The following DNAH14 variants were observed in gnomAD, a reference collection of about 807,000 sequenced individuals.
DNAH14 encodes axonemal beta dynein heavy chain 14.
In DNAH14, 478 loss-of-function variants were observed where a neutral mutation model predicts 520.9. That is an observed-to-expected ratio of 0.92 (90% confidence interval 0.85 to 0.99). The LOEUF (loss-of-function observed/expected upper bound fraction) is 0.99. DNAH14 is among the 50% of genes least tolerant of loss of function. DNAH14 has a pLI of 0.00. For synonymous variants in DNAH14, 1,581 were observed against 1,757.2 expected, an observed-to-expected ratio of 0.90 and a Z score of 2.51; for missense variants, 4,831 against 5,234.5, an observed-to-expected ratio of 0.92 and a Z score of 2.38.
At chr1:225,179,759 T>C (rs189841941) in intron 36 of DNAH14, among the ~76,000 whole-genome samples, 1 of 152,312 alleles carries the variant, frequency 6.6e-6, no homozygotes, top group Admixed American at 6.5e-5. Context: ...TTCCTTCAGA[T>C]TGAAGAACTC....
chr1:225,314,689 C>T (rs181292167), intron 60 of DNAH14, among the ~76,000 whole-genome samples: 3 of 152,248 alleles, frequency 2.0e-5, no homozygotes, highest in East Asian at 3.9e-4. Context: ...TTCTCCTTCA[C>T]TTACAAAGCT....
At chr1:225,168,527 C>T (rs2149204342) in intron 36 of DNAH14, among the ~76,000 whole-genome samples, 1 of 152,320 alleles carries the variant, frequency 6.6e-6, no homozygotes, top group South Asian at 2.1e-4. Flanking sequence ...TTGGAGGGTC[C>T]TATACCCACG....
intron 43 of DNAH14, chr1:225,250,566 A>G: frequency 2.3e-6 from 1 of 438,246 alleles, no homozygotes; most frequent in Non-Finnish European, 4.2e-6. Flanking sequence ...CCAGACTCAG[A>G]TGAAGAAAAG....
At chr1:225,180,569 C>G (rs1398203873) in intron 36 of DNAH14, among the ~76,000 whole-genome samples, 6 of 151,984 alleles carry the variant, frequency 3.9e-5, no homozygotes, top group Non-Finnish European at 8.8e-5. Flanking sequence ...TTTTAATAAC[C>G]AGCTCTTGAA....
chr1:224,979,733 C>T (rs78820667), intron 8 of DNAH14, among the ~76,000 whole-genome samples: 8,013 of 152,262 alleles, frequency 0.053, 319 homozygotes, highest in Non-Finnish European at 0.078. Flanking sequence ...TGGCTCCTTC[C>T]TTCTGTTGAG....
chr1:225,085,840 A>G, intron 21 of DNAH14, 51 bp downstream of exon 21: 1 of 1,462,688 alleles, frequency 6.8e-7, no homozygotes, highest in Non-Finnish European at 9.0e-7. Context: ...AGTTTTATTT[A>G]TTATTTCAAT....
chr1:225,249,547 G>A (rs908824060), intron 43 of DNAH14, among the ~76,000 whole-genome samples: 2 of 152,182 alleles, frequency 1.3e-5, no homozygotes, highest in Non-Finnish European at 2.9e-5. Flanking sequence ...CCAGGGAAGG[G>A]AACCTAAGAA....
intron 10 of DNAH14, among the ~76,000 whole-genome samples, chr1:225,012,405 G>T (rs1264235434): frequency 6.6e-6 from 1 of 151,524 alleles, no homozygotes; most frequent in Admixed American, 6.6e-5. Context: ...TTTTAACCTT[G>T]GTGAATCTGA....
chr1:225,100,923 C>A, intron 23 of DNAH14, 39 bp downstream of exon 23: 1 of 1,414,926 alleles, frequency 7.1e-7, no homozygotes, highest in African/African-American at 1.5e-5. Flanking sequence ...AATCATTTAA[C>A]AAAAGTAAAG....
Position 225,351,673 on chromosome 1 carries a change from C to T in DNAH14, c.11323C>T (p.His3775Tyr). 6.5e-7 allele frequency: 1 copy of T among 1,548,478 alleles called. No individual in the cohort carries two copies. The highest frequency in any genetic ancestry group is 8.7e-7 in the Non-Finnish European group (1 of 1,144,706). ...TSTFEIGESQ[H>Y]LQWLSDSRWR... ...CACATTTGAAATAGGTGAAAGTCAA[C>T]ATCTTCAGTGGCTGTCAGATTCCAG... The change falls in exon 72 of 86, where the codon CAT becomes TAT. Residue 3775 changes from histidine to tyrosine, a missense_variant. Transcript: ENST00000682510.
intron 1 of DNAH14, among the ~76,000 whole-genome samples, chr1:224,951,065 G>A (rs1410517662): frequency 6.6e-6 from 1 of 151,826 alleles, no homozygotes; most frequent in Non-Finnish European, 1.5e-5. Context: ...TCGCTCTGTT[G>A]CCCAGGCTGG....
chr1:225,261,687 A>G (rs1487750128), intron 46 of DNAH14, among the ~76,000 whole-genome samples: 1 of 152,008 alleles, frequency 6.6e-6, no homozygotes, highest in Non-Finnish European at 1.5e-5. Context: ...CTCCACTTCA[A>G]TGTTTTGGAA....
intron 36 of DNAH14, among the ~76,000 whole-genome samples, chr1:225,178,923 G>A (rs193217915): frequency 5.9e-5 from 9 of 152,172 alleles, no homozygotes; most frequent in East Asian, 3.9e-4. Flanking sequence ...TAAGTCTCAC[G>A]AGATCTGATG....
intron 27 of DNAH14, among the ~76,000 whole-genome samples, chr1:225,129,767 TC>T (rs2078177188): frequency 6.6e-6 from 1 of 151,970 alleles, no homozygotes; most frequent in Non-Finnish European, 1.5e-5. Context: ...GGCAAGGACT[TC>T]ATGTCTAAAA....
chr1:225,188,637 T>C (rs533592128), intron 37 of DNAH14, among the ~76,000 whole-genome samples: 26 of 152,058 alleles, frequency 1.7e-4, no homozygotes, highest in African/African-American at 6.0e-4. Flanking sequence ...TCTCCAACTT[T>C]GTTTTTTGTT....
intron 43 of DNAH14, among the ~76,000 whole-genome samples, chr1:225,247,925 A>AGGAGAAT (rs1477369928): frequency 3.9e-5 from 6 of 152,184 alleles, no homozygotes; most frequent in African/African-American, 1.4e-4. Flanking sequence ...AGGCTGAGGC[A>AGGAGAAT]GGAGAATGGC....
At chr1:225,296,952 C>A (rs2094022488) in intron 55 of DNAH14, among the ~76,000 whole-genome samples, 1 of 152,066 alleles carries the variant, frequency 6.6e-6, no homozygotes, top group African/African-American at 2.4e-5. Context: ...TGTAATGTTC[C>A]TCAGATAGGC....
intron 36 of DNAH14, among the ~76,000 whole-genome samples, chr1:225,177,079 T>C (rs2083414328): frequency 6.6e-6 from 1 of 152,154 alleles, no homozygotes; most frequent in Non-Finnish European, 1.5e-5. Context: ...AAAAGCCTGA[T>C]AGCAATATGA....
chr1:225,205,332 C>G (rs2087396579), intron 39 of DNAH14, among the ~76,000 whole-genome samples: 1 of 152,162 alleles, frequency 6.6e-6, no homozygotes, highest in South Asian at 2.1e-4. Context: ...CTCACCCCTT[C>G]CACCATGTGA....
Sources: allele counts gnomAD v4.1 joint callset (sites outside exome capture counted in the v4.1 genomes callset), GRCh38; gene constraint gnomAD v4.1.1; transcripts MANE v1.5; gene names NCBI Gene and HGNC (gene_info 2026-07-23, HGNC 2026-07-21).